Variants in NXPE2 observed in about 807,000 individuals in gnomAD.
NXPE2 encodes neurexophilin and PC-esterase domain family member 2, also known as NXPE family member 2.
NXPE2 carries 34 observed loss-of-function variants against 34.4 expected under a neutral mutation model. The ratio of observed to expected loss-of-function variants is 0.99; its 90% confidence interval spans 0.75 to 1.31. The LOEUF is 1.31. NXPE2 is among the 40% of genes most tolerant of loss of function. The probability of loss-of-function intolerance (pLI) is 0.00; values close to 1 mark genes in which losing one functional copy is unlikely to be tolerated. For missense variants in NXPE2, 649 were observed against 672.5 expected (o/e 0.97, Z 0.39); for synonymous variants, 235 against 231.3 (o/e 1.02, Z -0.15).
the NXPE2 span, chr11:114,530,034 G>C: frequency 1.2e-6 from 1 of 819,786 alleles, no homozygotes; most frequent in Non-Finnish European, 1.9e-6. Flanking sequence ...GTGGTGAGTA[G>C]AGGCCCCAAG....
the NXPE2 span, among the ~76,000 whole-genome samples, chr11:114,495,695 T>C: frequency 6.6e-6 from 1 of 152,270 alleles, no homozygotes; most frequent in African/African-American, 2.4e-5. Flanking sequence ...TATTAGCTTA[T>C]TCAGGGCCTA....
At chr11:114,646,777 T>G in the NXPE2 span, among the ~76,000 whole-genome samples, 2 of 152,224 alleles carry the variant, frequency 1.3e-5, no homozygotes, top group African/African-American at 4.8e-5. Flanking sequence ...TAAAGAGTTT[T>G]CTTTTTAAGC....
At chr11:114,522,431 G>A in the NXPE2 span, 12 of 1,613,732 alleles carry the variant, frequency 7.4e-6, no homozygotes, top group Non-Finnish European at 9.3e-6. Flanking sequence ...TTGAATCTGA[G>A]TGTGTCTTTC....
chr11:114,635,271 T>C, the NXPE2 span, among the ~76,000 whole-genome samples: 1 of 149,842 alleles, frequency 6.7e-6, no homozygotes, highest in Non-Finnish European at 1.5e-5. Context: ...TGTTTGTCTG[T>C]TGTTGGTGTA....
chr11:114,737,784 A>G, the NXPE2 span, among the ~76,000 whole-genome samples: 2 of 152,112 alleles, frequency 1.3e-5, no homozygotes, highest in African/African-American at 4.8e-5. Flanking sequence ...TTTTGCTGAC[A>G]TAAGTTAGAT....
the NXPE2 span, among the ~76,000 whole-genome samples, chr11:114,498,210 T>A: frequency 6.6e-6 from 1 of 152,220 alleles, no homozygotes; most frequent in East Asian, 1.9e-4. Flanking sequence ...TTACTCTGGT[T>A]TTTCCGTATA....
the NXPE2 span, among the ~76,000 whole-genome samples, chr11:114,672,069 G>A: frequency 5.3e-5 from 8 of 151,894 alleles, no homozygotes; most frequent in Admixed American, 4.6e-4. Flanking sequence ...AGAGAAGGAG[G>A]AGGTGCTACA....
chr11:114,605,011 G>A, the NXPE2 span, among the ~76,000 whole-genome samples: 3 of 151,902 alleles, frequency 2.0e-5, no homozygotes, highest in South Asian at 6.2e-4. Flanking sequence ...TTGCCTCACA[G>A]GTAACCACTG....
chr11:114,464,443 GTGGTATTAAA>G, the NXPE2 span, among the ~76,000 whole-genome samples: 1 of 152,238 alleles, frequency 6.6e-6, no homozygotes, highest in East Asian at 1.9e-4. Flanking sequence ...TGGGTTTATT[GTGGTATTAAA>G]TGCATTTTTG....
At chr11:114,620,390 C>T in the NXPE2 span, among the ~76,000 whole-genome samples, 1 of 152,056 alleles carries the variant, frequency 6.6e-6, no homozygotes, top group Non-Finnish European at 1.5e-5. Flanking sequence ...CGTGGGTAAC[C>T]ACTGTTACCC....
At chr11:114,610,990 C>A in the NXPE2 span, among the ~76,000 whole-genome samples, 2 of 151,326 alleles carry the variant, frequency 1.3e-5, no homozygotes, top group Admixed American at 6.6e-5. Flanking sequence ...ACCACTGTTA[C>A]CCACTGGATA....
At chr11:114,586,243 C>T in the NXPE2 span, among the ~76,000 whole-genome samples, 3 of 152,220 alleles carry the variant, frequency 2.0e-5, no homozygotes, top group Non-Finnish European at 2.9e-5. Flanking sequence ...TAAACCTCTG[C>T]TCTTAAACTC....
At chr11:114,531,631 CT>C in the NXPE2 span, among the ~76,000 whole-genome samples, 3 of 152,304 alleles carry the variant, frequency 2.0e-5, no homozygotes, top group African/African-American at 7.2e-5. Flanking sequence ...AACTCTACTT[CT>C]TGCTACTCTC....
At chr11:114,490,794 A>T in the NXPE2 span, among the ~76,000 whole-genome samples, 12 of 152,382 alleles carry the variant, frequency 7.9e-5, no homozygotes, top group South Asian at 4.1e-4. Flanking sequence ...AGGCATGGGC[A>T]AGGACTTCAT....
At chr11:114,519,968 T>TCGCCTCCCGGGGTCACGCTATTCTCC in the NXPE2 span, among the ~76,000 whole-genome samples, 2 of 117,316 alleles carry the variant, frequency 1.7e-5, no homozygotes, top group African/African-American at 4.5e-5. Flanking sequence ...CTCGGCGAGC[T>TCGCCTCCCGGGGTCACGCTATTCTCC]TGCCCGCTAA....
the NXPE2 span, among the ~76,000 whole-genome samples, chr11:114,639,946 A>T: frequency 9.0e-6 from 1 of 110,690 alleles, no homozygotes; most frequent in South Asian, 2.8e-4. Context: ...TAAATATAAC[A>T]TAATAGTTTG....
At chr11:114,562,496 C>G in the NXPE2 span, among the ~76,000 whole-genome samples, 1 of 152,194 alleles carries the variant, frequency 6.6e-6, no homozygotes, top group African/African-American at 2.4e-5. Context: ...GACAGAAATA[C>G]TATTATTTTA....
chr11:114,583,211 G>C, the NXPE2 span: 9 of 738,402 alleles, frequency 1.2e-5, no homozygotes, highest in African/African-American at 1.8e-5. Flanking sequence ...ATAGAATGGA[G>C]ATTGACTGAC....
the NXPE2 span, among the ~76,000 whole-genome samples, chr11:114,509,381 A>C: frequency 2.0e-5 from 3 of 152,152 alleles, no homozygotes; most frequent in African/African-American, 7.2e-5. Flanking sequence ...TAAAGACCTA[A>C]ACATAGAAAT....
Sources: gnomAD v4.1 joint callset for allele counts (sites outside exome capture counted in the v4.1 genomes callset) on GRCh38, gnomAD v4.1.1 for gene constraint, MANE v1.5 for transcripts, NCBI Gene and HGNC (gene_info 2026-07-23, HGNC 2026-07-21) for gene names.